Variants in SLC5A10 observed in about 807,000 individuals in gnomAD.
The protein encoded by SLC5A10 is solute carrier family 5 member 10.
Under a neutral mutation model 68.9 loss-of-function variants are expected in SLC5A10, and 55 were observed. The ratio of observed to expected loss-of-function variants is 0.80; its 90% CI spans 0.64 to 1.00. The LOEUF (loss-of-function observed/expected upper bound fraction) is 1.00, where lower values mean the gene tolerates loss of function less well. SLC5A10 is among the 50% of genes least tolerant of loss of function. SLC5A10 has a pLI of 0.00. For missense variants in SLC5A10, 732 were observed against 819.3 expected, an observed-to-expected ratio of 0.89 and a Z score of 1.30; for synonymous variants, 344 against 344.8, an observed-to-expected ratio of 1.00 and a Z score of 0.02.
rs2044171999 is a variant in SLC5A10 at position 19,017,782 on chromosome 17, G to A, written c.1242-1641G>A. On this transcript the variant is annotated intron_variant, in intron 11 of 14. Transcript: ENST00000395645. This position sits in a 1 kb window ranked among gnomAD's most constrained non-coding sequence, Gnocchi z 5.6. ...CTCCTTGAGATGTTCCACAGTAACT[G>A]TGGCTGCAGCCCAGGGAGATGCTGG... 5.4e-6 allele frequency: 1 copy of A among 183,944 alleles called. No individual in the cohort carries two copies. Among genetic ancestry groups the A allele is most frequent in the South Asian group, 1.1e-4 (1 of 8,834 alleles). The allele number at this position is 183,944 out of a possible 1,614,324, so 11.4% of individuals were successfully genotyped here. A position where few individuals can be genotyped will look rare whatever the true frequency, so the allele number is the denominator to read the frequency against.
chr17:19,015,666 C>T (rs2044124635), intron 11 of SLC5A10, among the ~76,000 whole-genome samples: 1 of 152,304 alleles, frequency 6.6e-6, no homozygotes, highest in African/African-American at 2.4e-5. Flanking sequence ...TTTTTCACCT[C>T]GATGACTCAT....
Position 19,003,221 on chromosome 17 carries a change from C to T in SLC5A10, c.983-10189C>T, listed in dbSNP as rs143990275. Among the ~76,000 whole-genome samples the T allele has an allele frequency of 1.2e-4, 18 of 151,166 alleles. No homozygotes were observed. Among genetic ancestry groups the T allele is most frequent in the African/African-American group, 3.6e-4 (15 of 41,232 alleles). On this transcript the variant is annotated intron_variant, in intron 9 of 14. Coordinates refer to ENST00000395645, the MANE Select transcript of SLC5A10 (RefSeq NM_001042450.4). The surrounding 1 kb of genome is among the most constrained non-coding windows in gnomAD (Gnocchi z 4.5). ...CCTGGGGTTCCTCCCCTCCCCACTCCACCCTATCTCGGTGCCTTCTTCTGG... is the reference window on the plus strand; with the variant it reads ...CCTGGGGTTCCTCCCCTCCCCACTCTACCCTATCTCGGTGCCTTCTTCTGG...
intron 9 of SLC5A10, chr17:18,988,468 G>A: frequency 6.3e-7 from 1 of 1,594,556 alleles, no homozygotes. Context: ...AGTGGGGACA[G>A]GGTGCCCTGG....
intron 8 of SLC5A10, among the ~76,000 whole-genome samples, chr17:18,975,536 A>C (rs1219781794): frequency 1.3e-5 from 2 of 151,478 alleles, no homozygotes. Flanking sequence ...CTAAAAATAC[A>C]AAAAAAAATT....
In SLC5A10 at chr17:18,968,834, A is replaced by T. The variant is rs1423493569; in HGVS notation, c.454-218A>T. On this transcript the variant is annotated intron_variant, in intron 5 of 14. Transcript: ENST00000395645. The surrounding 1 kb of genome is among the most constrained non-coding windows in gnomAD (Gnocchi z 4.1). ...ACTTTGGACTTTATTAGCAACAGTAATGTCCCCTGACATCCGCACAAGCTT... is the reference window on the plus strand; with the variant it reads ...ACTTTGGACTTTATTAGCAACAGTATTGTCCCCTGACATCCGCACAAGCTT... 1 of 562,414 alleles carries T rather than the reference A, an allele frequency of 1.8e-6. No individual in the cohort carries two copies. The allele number at this position is 562,414 out of a possible 1,614,324, so 34.8% of individuals were successfully genotyped here. A position where few individuals can be genotyped will look rare whatever the true frequency, so the allele number is the denominator to read the frequency against.
At position 19,020,508 on chromosome 17, in the gene SLC5A10, C is replaced by T; in HGVS notation, c.*77C>T. On this transcript the variant is annotated 3_prime_UTR_variant, in exon 15 of 15. Transcript: ENST00000395645. ...ATTTCCCTCATGGGGATCCCGAGGC[C>T]CCAAGAGGGGCAGATTCCCCTCACA... The T allele has an allele frequency of 7.2e-7, 1 of 1,391,430 alleles. No individual in the cohort carries two copies. The allele number at this position is 1,391,430 out of a possible 1,614,324, so 86.2% of individuals were successfully genotyped here.
In SLC5A10 at chr17:18,977,001, T is replaced by C; in HGVS notation, c.982+12T>C. ...CGCATTGTTCCCAGGTAGGACGGGC[T>C]CCGGGCACTGAACCCAGGCTGCAGG... On this transcript the variant is annotated intron_variant, in intron 9 of 14. Coordinates refer to ENST00000395645, the MANE Select transcript of SLC5A10 (RefSeq NM_001042450.4). 6.2e-7 allele frequency: 1 copy of C among 1,610,642 alleles called. No individual in the cohort carries two copies. Among genetic ancestry groups the C allele is most frequent in the Non-Finnish European group, 8.5e-7 (1 of 1,179,808 alleles).
Position 19,003,473 on chromosome 17 carries a change from C to T in SLC5A10, c.983-9937C>T. On this transcript the variant is annotated intron_variant, in intron 9 of 14. Transcript: ENST00000395645. The surrounding 1 kb of genome is among the most constrained non-coding windows in gnomAD (Gnocchi z 4.5). Reference sequence around the variant, plus strand: ...GAGTGAGCCTGTATTGAGAGGGGTCCGGTGGCTGGTTGGGCCATGGCTCCA... The same window carrying T: ...GAGTGAGCCTGTATTGAGAGGGGTCTGGTGGCTGGTTGGGCCATGGCTCCA... 1 of 1,499,824 alleles carries T rather than the reference C, an allele frequency of 6.7e-7. No homozygotes were observed. Among genetic ancestry groups the T allele is most frequent in the Non-Finnish European group, 8.9e-7 (1 of 1,124,420 alleles). 92.9% of individuals were successfully genotyped at this position (1,499,824 alleles called of 1,614,324 possible).
chr17:19,006,430 G>A (rs1262930273), intron 9 of SLC5A10, among the ~76,000 whole-genome samples: 2 of 141,286 alleles, frequency 1.4e-5, no homozygotes, highest in Non-Finnish European at 3.0e-5. Context: ...GTAGAGACAA[G>A]GCCTCACTAT....
At chr17:18,960,700 A>G (rs955416724) in intron 5 of SLC5A10, 48 bp downstream of exon 5, 4 of 1,551,588 alleles carry the variant, frequency 2.6e-6, no homozygotes, top group African/African-American at 2.7e-5. Flanking sequence ...AACATCGCCA[A>G]TCTGTGGGCC....
At chr17:18,953,128 C>CTTTT (rs34638037) in intron 1 of SLC5A10, among the ~76,000 whole-genome samples, 3 of 125,254 alleles carry the variant, frequency 2.4e-5, no homozygotes, top group Non-Finnish European at 4.9e-5. Context: ...AGTACCCCTT[C>CTTTT]TTTTTTTTTT....
chr17:19,012,444 C>T (rs920439582), intron 9 of SLC5A10, among the ~76,000 whole-genome samples: 3 of 152,238 alleles, frequency 2.0e-5, no homozygotes, highest in Admixed American at 6.5e-5. Context: ...GGAGATAGCA[C>T]GAGGCAAACC....
chr17:18,970,741 TGCTGGGCCA>T (rs2042821299), intron 7 of SLC5A10: 1 of 485,816 alleles, frequency 2.1e-6, no homozygotes, highest in Non-Finnish European at 3.7e-6. Context: ...CAGTGACTCC[TGCTGGGCCA>T]GCGGGACACT....
intron 9 of SLC5A10, among the ~76,000 whole-genome samples, chr17:19,007,162 C>T (rs1597902470): frequency 6.6e-6 from 1 of 151,718 alleles, no homozygotes; most frequent in East Asian, 1.9e-4. Context: ...CCAGTTTCTC[C>T]ACATCCTTGC....
At chr17:18,952,370 G>A in intron 1 of SLC5A10, 54 bp downstream of exon 1, 4 of 1,568,618 alleles carry the variant, frequency 2.6e-6, no homozygotes, top group Non-Finnish European at 3.5e-6. Flanking sequence ...TTGGTGCTTG[G>A]GGTGGGAACC....
At position 18,971,292 on chromosome 17, in the gene SLC5A10, T is replaced by G. The variant is rs2042838253; in HGVS notation, c.846+74T>G. 7 of 1,609,630 alleles carry G rather than the reference T, an allele frequency of 4.3e-6. No individual in the cohort carries two copies. Among genetic ancestry groups the G allele is most frequent in the Non-Finnish European group, 5.1e-6 (6 of 1,177,036 alleles). The stretch of plus-strand genomic sequence containing the variant: ...GGCTCTGGTAGGCCCAGGCGGCCTG[T>G]CTGCCCTCCGCGTCATGAGTCTGGG... On this transcript the variant is annotated intron_variant, in intron 8 of 14. Coordinates refer to ENST00000395645, the MANE Select transcript of SLC5A10 (RefSeq NM_001042450.4). The surrounding 1 kb of genome is among the most constrained non-coding windows in gnomAD (Gnocchi z 5.5).
intron 9 of SLC5A10, among the ~76,000 whole-genome samples, chr17:18,992,624 C>G (rs779869233): frequency 6.6e-6 from 1 of 152,226 alleles, no homozygotes; most frequent in Non-Finnish European, 1.5e-5. Context: ...AAGGGTGGAG[C>G]GGGCGGAGTC....
At chr17:18,952,387 C>G (rs770669427) in intron 1 of SLC5A10, 71 bp downstream of exon 1, 456 of 1,525,916 alleles carry the variant, frequency 3.0e-4, no homozygotes, top group Non-Finnish European at 3.8e-4. Context: ...AACCGGGGTC[C>G]AGCATGTCCC....
intron 9 of SLC5A10, among the ~76,000 whole-genome samples, chr17:18,981,753 A>G (rs1157127969): frequency 6.6e-6 from 1 of 152,218 alleles, no homozygotes; most frequent in Non-Finnish European, 1.5e-5. Flanking sequence ...CTCTGCTCCC[A>G]GGGCCGCCCT....
Sources: allele counts gnomAD v4.1 joint callset (sites outside exome capture counted in the v4.1 genomes callset), GRCh38; gene constraint gnomAD v4.1.1; non-coding constraint Gnocchi (gnomAD v3.1); transcripts MANE v1.5; gene names NCBI Gene and HGNC (gene_info 2026-07-23, HGNC 2026-07-21).